MYH15: variants seen among roughly 807,000 people sequenced by gnomAD.
MYH15 encodes myosin-15.
Under a neutral mutation model 240.5 loss-of-function variants are expected in MYH15, and 227 were observed. The observed-to-expected ratio is 0.94, with a 90% CI of 0.85 to 1.05. MYH15 has a LOEUF of 1.05. MYH15 is among the 50% of genes least tolerant of loss of function. The pLI is 0.00. For synonymous variants in MYH15, 785 were observed against 796.7 expected, an observed-to-expected ratio of 0.99 and a Z score of 0.25; for missense variants, 2,217 against 2,247.5, an observed-to-expected ratio of 0.99 and a Z score of 0.27.
At chr3:108,480,408 G>A (rs1426243671) in intron 11 of MYH15, among the ~76,000 whole-genome samples, 1 of 152,196 alleles carries the variant, frequency 6.6e-6, no homozygotes, top group African/African-American at 2.4e-5. Context: ...AGAAAAGCGG[G>A]TGACTTCTGG....
intron 1 of MYH15, among the ~76,000 whole-genome samples, chr3:108,521,392 G>C (rs923866389): frequency 6.9e-6 from 1 of 145,298 alleles, no homozygotes; most frequent in African/African-American, 2.5e-5. Flanking sequence ...TTTGGGAAAT[G>C]ATGTTAAAAA....
the MYH15 span, among the ~76,000 whole-genome samples, chr3:108,542,099 A>C: frequency 6.6e-6 from 1 of 152,118 alleles, no homozygotes; most frequent in Admixed American, 6.6e-5. Flanking sequence ...ATTAAGACTT[A>C]CAAATTTTAG....
At chr3:108,501,961 C>CCCATCCCCTAATGAGGCA in intron 2 of MYH15, 106 bp from the exon 3 acceptor site, 1 of 1,236,926 alleles carries the variant, frequency 8.1e-7, no homozygotes, top group Non-Finnish European at 1.2e-6. Context: ...AAAATGATGC[C>CCCATCCCCTAATGAGGCA]TCATTAGGGG....
intron 1 of MYH15, among the ~76,000 whole-genome samples, chr3:108,526,221 C>A (rs1034217693): frequency 1.3e-5 from 2 of 152,110 alleles, no homozygotes; most frequent in African/African-American, 4.8e-5. Flanking sequence ...ATTCATGCCA[C>A]CAACAAGTAC....
At chr3:108,489,899 C>CTT (rs1381111267) in intron 9 of MYH15, among the ~76,000 whole-genome samples, 1 of 152,184 alleles carries the variant, frequency 6.6e-6, no homozygotes, top group African/African-American at 2.4e-5. Flanking sequence ...AGATGTCAGA[C>CTT]TTTGCACAGT....
intron 1 of MYH15, among the ~76,000 whole-genome samples, chr3:108,527,825 T>A (rs2107276505): frequency 6.6e-6 from 1 of 152,344 alleles, no homozygotes; most frequent in East Asian, 1.9e-4. Context: ...AGTTTTCTCA[T>A]CTATAATATG....
intron 9 of MYH15, among the ~76,000 whole-genome samples, chr3:108,489,640 A>C (rs1349711242): frequency 6.6e-6 from 1 of 152,158 alleles, no homozygotes; most frequent in Non-Finnish European, 1.5e-5. Flanking sequence ...TCAGTGGGTG[A>C]CCAGCCTCTC....
intron 21 of MYH15, among the ~76,000 whole-genome samples, chr3:108,449,194 A>G (rs2082952685): frequency 6.6e-6 from 1 of 152,074 alleles, no homozygotes; most frequent in South Asian, 2.1e-4. Flanking sequence ...CTACAGATTC[A>G]ATGCAAACCC....
At chr3:108,523,713 T>C (rs2083642263) in intron 1 of MYH15, among the ~76,000 whole-genome samples, 1 of 151,964 alleles carries the variant, frequency 6.6e-6, no homozygotes, top group African/African-American at 2.4e-5. Context: ...ATTTAGGATG[T>C]ATTCTTCAAT....
chr3:108,533,520 G>T (rs1355975902), upstream of MYH15, among the ~76,000 whole-genome samples: 2 of 152,152 alleles, frequency 1.3e-5, no homozygotes, highest in Non-Finnish European at 2.9e-5. Flanking sequence ...TAAAGGTAAA[G>T]TCCTATACAA....
chr3:108,503,337 T>G (rs1297038391), intron 2 of MYH15, among the ~76,000 whole-genome samples: 2 of 152,098 alleles, frequency 1.3e-5, no homozygotes, highest in East Asian at 3.8e-4. Flanking sequence ...CTAATAAAAT[T>G]TAGTTGGTCA....
At chr3:108,530,945 T>G (rs1427906130), upstream of MYH15, among the ~76,000 whole-genome samples, 1 of 152,332 alleles carries the variant, frequency 6.6e-6, no homozygotes, top group Non-Finnish European at 1.5e-5. Context: ...GGAATAGCTG[T>G]TCTGGTTCAA....
chr3:108,470,802 T>A lies in MYH15; in HGVS notation c.1279A>T (p.Met427Leu). 6.2e-7 allele frequency: 1 copy of A among 1,613,884 alleles called. No individual in the cohort carries two copies. The highest frequency in any genetic ancestry group is 1.1e-5 in the South Asian group (1 of 91,060). The change falls in exon 13 of 41, where the codon ATG (methionine) becomes TTG (leucine). Residue 427 changes from methionine (M) to leucine (L), a missense_variant. Coordinates refer to ENST00000693548, the MANE Select transcript of MYH15 (RefSeq NM_014981.3). ...ATCCGTGCCACTAGCCACTTAAACATCCTTTCATACATTGACTTGGACAGG... is the reference window on the plus strand; with the variant it reads ...ATCCGTGCCACTAGCCACTTAAACAACCTTTCATACATTGACTTGGACAGG... ...GALSKSMYER[M>L]FKWLVARINR... is the part of the protein sequence containing the mutation.
intron 9 of MYH15, among the ~76,000 whole-genome samples, chr3:108,488,984 T>C (rs1391439656): frequency 6.6e-6 from 1 of 152,214 alleles, no homozygotes; most frequent in Non-Finnish European, 1.5e-5. Flanking sequence ...AATATCTCAT[T>C]ATGGTTTTTG....
the MYH15 span, among the ~76,000 whole-genome samples, chr3:108,534,716 A>AT: frequency 1.9e-3 from 193 of 104,064 alleles, 2 homozygotes; most frequent in African/African-American, 5.5e-3. Context: ...AAAAAAAAAA[A>AT]TTTTTTTTTT....
chr3:108,410,994 C>T lies in MYH15; in HGVS notation c.4146-62G>A, dbSNP rs937395633. 40 of 1,391,154 alleles carry T rather than the reference C, an allele frequency of 2.9e-5. No individual in the cohort carries two copies. In the African/African-American group the frequency reaches 5.4e-4, roughly 19 times the overall value. 86.2% of individuals were successfully genotyped at this position (1,391,154 alleles called of 1,614,324 possible). On this transcript the variant is annotated intron_variant, in intron 30 of 40. Coordinates refer to ENST00000693548, the MANE Select transcript of MYH15 (RefSeq NM_014981.3). ...ATAACTCTCAGAGAGCTCATCAAGT[C>T]TGCCCTGGATTAAAGATAGAGCTTG... is the stretch of plus-strand genomic sequence containing the variant.
rs5851593 is a variant in MYH15 at position 108,442,772 on chromosome 3, C to CTTTT, written c.2656-1516_2656-1513dup. Among the ~76,000 whole-genome samples, 666 of 143,206 alleles carry CTTTT rather than the reference C, an allele frequency of 4.7e-3. 9 individuals are homozygous for CTTTT. Among genetic ancestry groups the CTTTT allele is most frequent in the African/African-American group, 0.016 (629 of 38,626 alleles). The allele number at this position is 143,206 out of a possible 152,430, so 93.9% of individuals were successfully genotyped here. A position where few individuals can be genotyped will look rare whatever the true frequency, so the allele number is the denominator to read the frequency against. On this transcript the variant is annotated intron_variant, in intron 22 of 40. Coordinates refer to ENST00000693548, the MANE Select transcript of MYH15 (RefSeq NM_014981.3). ...AGCAAAGAAGGATTTCAAAATATTT[C>CTTTT]TTTTTTTTTTTTTTGGATTCTTTTG...
chr3:108,425,837 C>T (rs2082720823), intron 27 of MYH15, among the ~76,000 whole-genome samples: 1 of 152,130 alleles, frequency 6.6e-6, no homozygotes, highest in South Asian at 2.1e-4. Flanking sequence ...AGTTGGATGG[C>T]TGTGATTACA....
chr3:108,486,963 G>T (rs2083310789), intron 9 of MYH15, among the ~76,000 whole-genome samples: 1 of 152,240 alleles, frequency 6.6e-6, no homozygotes, highest in Non-Finnish European at 1.5e-5. Context: ...CTACGAAGCA[G>T]CCAGAAGCTG....
Sources: gnomAD v4.1 joint callset for allele counts (sites outside exome capture counted in the v4.1 genomes callset) on GRCh38, gnomAD v4.1.1 for gene constraint, MANE v1.5 for transcripts, NCBI Gene and HGNC (gene_info 2026-07-23, HGNC 2026-07-21) for gene names.